Variants in CNTN4 observed in about 807,000 individuals in gnomAD.
CNTN4 encodes contactin 4, also known as contactin-4.
In CNTN4, 77 loss-of-function variants were observed where a neutral mutation model predicts 122.5. The ratio of observed to expected loss-of-function variants is 0.63; its 90% CI spans 0.52 to 0.76. The LOEUF (loss-of-function observed/expected upper bound fraction) is 0.76. Among genes scored for constraint, CNTN4 ranks in the 30% least tolerant of loss-of-function variants. The pLI is 0.00. For synonymous variants in CNTN4, 512 were observed against 447.0 expected (o/e 1.15, Z -1.83); for missense variants, 1,256 against 1,259.1 (o/e 1.00, Z 0.04).
chr3:2,736,095 G>A, intron 4 of CNTN4, 120 bp from the exon 5 acceptor site: 4 of 1,009,680 alleles, frequency 4.0e-6, no homozygotes, highest in South Asian at 3.8e-5. Context: ...AACACAGCCT[G>A]TTGTGCCTTA....
At chr3:2,586,031 C>T (rs1039998331) in intron 4 of CNTN4, among the ~76,000 whole-genome samples, 1 of 152,130 alleles carries the variant, frequency 6.6e-6, no homozygotes, top group Non-Finnish European at 1.5e-5. Flanking sequence ...TTAAATGCTT[C>T]AAATACATTA....
chr3:2,531,841 C>A (rs11920925), intron 3 of CNTN4, among the ~76,000 whole-genome samples: 3,983 of 152,248 alleles, frequency 0.026, 179 homozygotes, highest in African/African-American at 0.091. Flanking sequence ...TCTTAATATT[C>A]ATAATAAGAA....
At chr3:3,018,829 C>T (rs1027922614) in intron 14 of CNTN4, among the ~76,000 whole-genome samples, 1 of 151,942 alleles carries the variant, frequency 6.6e-6, no homozygotes, top group African/African-American at 2.4e-5. Context: ...AGCTCCCTGA[C>T]AAAATGACTG....
At chr3:2,161,911 A>C (rs1165518405) in intron 2 of CNTN4, among the ~76,000 whole-genome samples, 1 of 152,190 alleles carries the variant, frequency 6.6e-6, no homozygotes, top group Non-Finnish European at 1.5e-5. Flanking sequence ...CTTTTAAAAG[A>C]AGCCTGGAAT....
In CNTN4 at chr3:2,887,996, A is replaced by G. The variant is rs752828151; in HGVS notation, c.940+772A>G. Among the ~76,000 whole-genome samples the G allele has an allele frequency of 1.4e-4, 22 of 152,366 alleles. No individual in the cohort carries two copies. In the Middle Eastern group the frequency reaches 0.014, roughly 94 times the overall value. On this transcript the variant is annotated intron_variant, in intron 10 of 24. Coordinates refer to ENST00000418658, the MANE Select transcript of CNTN4 (RefSeq NM_175607.3). ...AGAAAACAAATACTATAGATTGATA[A>G]TTATTTAAGAATGGTTTAAACAAAC...
At chr3:2,446,376 G>A (rs1201826230) in intron 3 of CNTN4, among the ~76,000 whole-genome samples, 1 of 152,086 alleles carries the variant, frequency 6.6e-6, no homozygotes, top group African/African-American at 2.4e-5. Context: ...CAAATGTGAT[G>A]TTAATGAGAT....
At chr3:3,022,770 A>G (rs957215018) in intron 14 of CNTN4, among the ~76,000 whole-genome samples, 1 of 152,174 alleles carries the variant, frequency 6.6e-6, no homozygotes, top group South Asian at 2.1e-4. Flanking sequence ...TGGTAAATAT[A>G]TAGATTTTTA....
At chr3:2,795,668 C>A (rs1340376875) in intron 6 of CNTN4, among the ~76,000 whole-genome samples, 1 of 151,874 alleles carries the variant, frequency 6.6e-6, no homozygotes, top group Non-Finnish European at 1.5e-5. Flanking sequence ...CCACAGGCGC[C>A]CAAGACCACG....
chr3:2,843,968 G>A (rs1432465085), intron 7 of CNTN4, among the ~76,000 whole-genome samples: 1 of 152,076 alleles, frequency 6.6e-6, no homozygotes, highest in Non-Finnish European at 1.5e-5. Flanking sequence ...CTCTCACCTT[G>A]GCCAGAAGCC....
chr3:2,664,978 G>C (rs2084078606), intron 4 of CNTN4, among the ~76,000 whole-genome samples: 1 of 152,012 alleles, frequency 6.6e-6, no homozygotes, highest in East Asian at 1.9e-4. Flanking sequence ...CTTCTGGGGA[G>C]GTTTTCCTCT....
At chr3:2,183,966 A>G (rs1320405095) in intron 2 of CNTN4, among the ~76,000 whole-genome samples, 1 of 151,946 alleles carries the variant, frequency 6.6e-6, no homozygotes, top group Non-Finnish European at 1.5e-5. Context: ...GTTCACATAA[A>G]CTGAATTTTT....
At chr3:2,917,594 C>G (rs1424589845) in intron 12 of CNTN4, among the ~76,000 whole-genome samples, 1 of 152,142 alleles carries the variant, frequency 6.6e-6, no homozygotes, top group East Asian at 1.9e-4. Context: ...TAGATCTCTT[C>G]TCTGTCTTGT....
intron 4 of CNTN4, among the ~76,000 whole-genome samples, chr3:2,651,918 G>A (rs1167661689): frequency 6.6e-6 from 1 of 151,618 alleles, no homozygotes; most frequent in Non-Finnish European, 1.5e-5. Flanking sequence ...TGTTGGCCAG[G>A]CTGATCTCAA....
chr3:2,163,416 A>G (rs1274726035), intron 2 of CNTN4, among the ~76,000 whole-genome samples: 4 of 152,184 alleles, frequency 2.6e-5, no homozygotes, highest in Non-Finnish European at 5.9e-5. Context: ...GATACATCAG[A>G]AAAACTCTTG....
intron 6 of CNTN4, among the ~76,000 whole-genome samples, chr3:2,750,765 G>T (rs1428727169): frequency 6.6e-6 from 1 of 152,054 alleles, no homozygotes; most frequent in Non-Finnish European, 1.5e-5. Context: ...TCTGTGCCTG[G>T]CACTTAATAA....
intron 5 of CNTN4, among the ~76,000 whole-genome samples, chr3:2,742,900 CAA>C (rs994143480): frequency 3.3e-5 from 5 of 152,266 alleles, no homozygotes; most frequent in East Asian, 1.9e-4. Context: ...GACTGCATTG[CAA>C]TAAAACTTGG....
intron 3 of CNTN4, among the ~76,000 whole-genome samples, chr3:2,473,240 A>AC (rs2075739696): frequency 1.1e-5 from 1 of 94,326 alleles, no homozygotes; most frequent in African/African-American, 4.8e-5. Context: ...TCAAAAAAAA[A>AC]AAAAAAAAAA....
chr3:2,504,991 A>G (rs757995829), intron 3 of CNTN4, among the ~76,000 whole-genome samples: 3 of 152,070 alleles, frequency 2.0e-5, no homozygotes, highest in Non-Finnish European at 4.4e-5. Flanking sequence ...AAAAAGAAGA[A>G]CCCACCCAGC....
chr3:2,597,795 C>T (rs1307194675), intron 4 of CNTN4, among the ~76,000 whole-genome samples: 1 of 152,174 alleles, frequency 6.6e-6, no homozygotes, highest in East Asian at 1.9e-4. Context: ...AGCGTTCTCA[C>T]TAGTCCCATA....
Sources: gnomAD v4.1 joint callset for allele counts (sites outside exome capture counted in the v4.1 genomes callset) on GRCh38, gnomAD v4.1.1 for gene constraint, MANE v1.5 for transcripts, NCBI Gene and HGNC (gene_info 2026-07-23, HGNC 2026-07-21) for gene names.